The following ADAM32 variants were observed in gnomAD, a reference collection of about 807,000 sequenced individuals.
ADAM32 encodes disintegrin and metalloproteinase domain-containing protein 32.
A neutral mutation model predicts 114.9 loss-of-function variants in ADAM32; 89 were observed. That is an observed-to-expected ratio of 0.77 (90% CI 0.65 to 0.92). The LOEUF (loss-of-function observed/expected upper bound fraction) is 0.92, where lower values mean the gene tolerates loss of function less well. ADAM32 is among the 40% of genes least tolerant of loss of function. The pLI is 0.00. For synonymous variants in ADAM32, 285 were observed against 307.5 expected, an observed-to-expected ratio of 0.93 and a Z score of 0.77; for missense variants, 870 against 932.8, an observed-to-expected ratio of 0.93 and a Z score of 0.88.
chr8:39,274,262 G>C, intron 20 of ADAM32, 50 bp from the exon 21 acceptor site: 1 of 1,576,856 alleles, frequency 6.3e-7, no homozygotes, highest in Non-Finnish European at 8.7e-7. Context: ...CATGAAGTTG[G>C]CAAGTTTTCT....
chr8:39,282,332 A>G (rs921715386), intron 23 of ADAM32, among the ~76,000 whole-genome samples: 5 of 152,200 alleles, frequency 3.3e-5, no homozygotes, highest in African/African-American at 1.2e-4. Flanking sequence ...TGAAGTTCAC[A>G]TATGCACATA....
intron 11 of ADAM32, among the ~76,000 whole-genome samples, chr8:39,198,904 T>G (rs186478880): frequency 4.8e-4 from 73 of 152,342 alleles, no homozygotes; most frequent in Admixed American, 3.4e-3. Flanking sequence ...AGTCTAGTGG[T>G]GACAAATTCT....
rs781636467 is a variant in ADAM32, at chr8:39,233,897, A to G, written c.1635-2A>G. 3 of 1,495,668 alleles carry G rather than the reference A, an allele frequency of 2.0e-6. No homozygotes were observed. The South Asian group carries it at 4.3e-5, about 22-fold the overall frequency. 92.6% of individuals were successfully genotyped at this position (1,495,668 alleles called of 1,614,324 possible). On this transcript the variant is annotated splice_acceptor_variant, in intron 15 of 24. Transcript: ENST00000379907. LOFTEE classifies it high-confidence loss of function. The stretch of plus-strand genomic sequence containing the variant: ...AATCATATATATTTTTTATGTTTTC[A>G]GGAATCTTATATGTGGAAGATTAGT...
intron 1 of ADAM32, among the ~76,000 whole-genome samples, chr8:39,108,402 A>G (rs116520930): frequency 3.4e-4 from 52 of 152,342 alleles, no homozygotes; most frequent in African/African-American, 1.1e-3. Flanking sequence ...CTCCAGAACT[A>G]TGAGGAAAAT....
chr8:39,220,071 G>A (rs1564624776), intron 12 of ADAM32, among the ~76,000 whole-genome samples: 1 of 152,102 alleles, frequency 6.6e-6, no homozygotes, highest in Non-Finnish European at 1.5e-5. Context: ...CTATTATTGT[G>A]TGACTAAGTG....
intron 9 of ADAM32, chr8:39,166,563 A>T (rs541176696): frequency 6.6e-6 from 1 of 152,258 alleles, no homozygotes; most frequent in East Asian, 1.9e-4. Context: ...CAGTAGTGGG[A>T]TTGCTGGATC....
intron 2 of ADAM32, among the ~76,000 whole-genome samples, chr8:39,129,717 A>G (rs1366661568): frequency 6.6e-6 from 1 of 152,140 alleles, no homozygotes; most frequent in Non-Finnish European, 1.5e-5. Context: ...TTTCTTCTCT[A>G]TATTTTGAAA....
intron 10 of ADAM32, among the ~76,000 whole-genome samples, chr8:39,179,140 A>C (rs1805696695): frequency 6.6e-6 from 1 of 152,048 alleles, no homozygotes; most frequent in African/African-American, 2.4e-5. Context: ...AGTCGGCTGA[A>C]CCACAGAGAC....
intron 2 of ADAM32, among the ~76,000 whole-genome samples, chr8:39,128,032 G>A (rs935719803): frequency 6.6e-6 from 1 of 152,048 alleles, no homozygotes; most frequent in African/African-American, 2.4e-5. Context: ...ATATCTATCA[G>A]GTCTGCTTGA....
chr8:39,113,732 G>A (rs1161876230), intron 1 of ADAM32, among the ~76,000 whole-genome samples: 7 of 152,074 alleles, frequency 4.6e-5, no homozygotes, highest in Non-Finnish European at 4.4e-5. Flanking sequence ...AAATATATAA[G>A]CATGATGTCT....
chr8:39,177,377 G>A (rs1805593967), intron 10 of ADAM32, among the ~76,000 whole-genome samples: 1 of 152,084 alleles, frequency 6.6e-6, no homozygotes, highest in African/African-American at 2.4e-5. Context: ...CCTTTATTTT[G>A]AGCCTATGTG....
At position 39,182,996 on chromosome 8, in the gene ADAM32, T is replaced by A. The variant is rs1805999272; in HGVS notation, c.916-3913T>A. Among the ~76,000 whole-genome samples, 3 of 152,340 alleles carry A rather than the reference T, an allele frequency of 2.0e-5. No homozygotes were observed. In the South Asian group the frequency reaches 6.2e-4, roughly 32 times the overall value. ...TGAGGTCAAATGGTATAGTTGGCTG[T>A]GCTCCGTGGTCTAGTGAGACCACTG... On this transcript the variant is annotated intron_variant, in intron 10 of 24. Coordinates refer to ENST00000379907, the MANE Select transcript of ADAM32 (RefSeq NM_145004.7).
At chr8:39,134,222 A>C (rs1366115720) in intron 2 of ADAM32, among the ~76,000 whole-genome samples, 1 of 151,986 alleles carries the variant, frequency 6.6e-6, no homozygotes, top group African/African-American at 2.4e-5. Context: ...CTGGGCTTTC[A>C]ACATGGTACT....
Position 39,211,247 on chromosome 8 carries a change from C to G in ADAM32, c.1156C>G (p.Gln386Glu), listed in dbSNP as rs192316990. Residue 386 changes from glutamine to glutamate, a missense_variant, in exon 12 of 25, where the codon CAA (glutamine) becomes GAA (glutamate). Gln to Glu is a conservative substitution (Grantham distance 29). Coordinates refer to ENST00000379907, the MANE Select transcript of ADAM32 (RefSeq NM_145004.7). ...VKCLQNKPQMQKKSPKPVCGN... is the reference protein window; with the variant it reads ...VKCLQNKPQMEKKSPKPVCGN... ...ATGTCTTCAGAATAAGCCACAAATG[C>G]AAAAAAAATCTCCGAAACCAGTCTG... 480 of 1,600,518 alleles carry G rather than the reference C, an allele frequency of 3.0e-4. No homozygotes were observed. The African/African-American group carries it at 5.8e-3, about 19-fold the overall frequency.
At chr8:39,233,762 G>C (rs756289357) in intron 15 of ADAM32, 137 bp from the exon 16 acceptor site, 2 of 541,322 alleles carry the variant, frequency 3.7e-6, no homozygotes, top group Non-Finnish European at 5.8e-6. Flanking sequence ...CTTTGTTACC[G>C]TGAAAACATT....
chr8:39,130,395 G>T (rs1802371916), intron 2 of ADAM32, among the ~76,000 whole-genome samples: 1 of 151,650 alleles, frequency 6.6e-6, no homozygotes, highest in African/African-American at 2.4e-5. Context: ...TTTATTTATG[G>T]TTTAATTTTT....
At chr8:39,183,090 AG>A (rs144041013) in intron 10 of ADAM32, among the ~76,000 whole-genome samples, 410 of 152,284 alleles carry the variant, frequency 2.7e-3, no homozygotes, top group African/African-American at 9.4e-3. Flanking sequence ...GCAGTATTGT[AG>A]GTTGTCTTCC....
intron 19 of ADAM32, among the ~76,000 whole-genome samples, chr8:39,264,318 C>A (rs1812222076): frequency 6.6e-6 from 1 of 152,084 alleles, no homozygotes; most frequent in African/African-American, 2.4e-5. Context: ...TCATCTATTT[C>A]TTCTAGGTTT....
At chr8:39,206,543 C>T (rs1452338165) in intron 11 of ADAM32, among the ~76,000 whole-genome samples, 1 of 152,186 alleles carries the variant, frequency 6.6e-6, no homozygotes, top group Non-Finnish European at 1.5e-5. Flanking sequence ...TACACAGTGA[C>T]CTTGACATTG....
Sources: allele counts gnomAD v4.1 joint callset (sites outside exome capture counted in the v4.1 genomes callset), GRCh38; gene constraint gnomAD v4.1.1; transcripts MANE v1.5; gene names NCBI Gene and HGNC (gene_info 2026-07-23, HGNC 2026-07-21).